PDZD8: variants seen among roughly 807,000 people sequenced by gnomAD.
The protein encoded by PDZD8 is PDZ domain containing 8.
PDZD8 carries 14 observed loss-of-function variants against 85.8 expected under a neutral mutation model. That is an observed-to-expected ratio of 0.16 (90% CI 0.11 to 0.26). The LOEUF is 0.26. Ranked by LOEUF, PDZD8 falls within the 10% of genes least tolerant of loss-of-function variation. The pLI, the probability that PDZD8 is intolerant of heterozygous loss-of-function variation, is 1.00. For synonymous variants in PDZD8, 592 were observed against 568.6 expected (o/e 1.04, Z -0.59); for missense variants, 1,197 against 1,424.3 (o/e 0.84, Z 2.57).
rs1660783206 is a variant in PDZD8, at chr10:117,281,549, C to G, written c.*1719G>C. The G allele has an allele frequency of 6.6e-6, 1 of 152,174 alleles. No homozygotes were observed. Among genetic ancestry groups the G allele is most frequent in the East Asian group, 1.9e-4 (1 of 5,198 alleles). 9.4% of individuals were successfully genotyped at this position (152,174 alleles called of 1,614,324 possible). On this transcript the variant is annotated 3_prime_UTR_variant, in exon 5 of 5. Coordinates refer to ENST00000334464, the MANE Select transcript of PDZD8 (RefSeq NM_173791.5). ...TAAAGTGGAATAACTTTTCTCCCCTCAAAAATGTCTTTCTTACTCATATAA... is the reference window on the plus strand; with the variant it reads ...TAAAGTGGAATAACTTTTCTCCCCTGAAAAATGTCTTTCTTACTCATATAA...
At chr10:117,325,310 G>A (rs1335618112) in intron 2 of PDZD8, among the ~76,000 whole-genome samples, 1 of 151,834 alleles carries the variant, frequency 6.6e-6, no homozygotes, top group Non-Finnish European at 1.5e-5. Flanking sequence ...ACGTTTAATG[G>A]TGAGCCCTGG....
intron 2 of PDZD8, among the ~76,000 whole-genome samples, chr10:117,340,172 A>G (rs1217129557): frequency 2.6e-5 from 4 of 152,216 alleles, no homozygotes; most frequent in Admixed American, 2.0e-4. Flanking sequence ...ACAGTGGTTC[A>G]AAGTCTAGTT....
At chr10:117,294,655 G>GTTC (rs1245948215) in intron 3 of PDZD8, among the ~76,000 whole-genome samples, 1 of 152,140 alleles carries the variant, frequency 6.6e-6, no homozygotes, top group African/African-American at 2.4e-5. Context: ...TACAAACACA[G>GTTC]TGGAATACTA....
intron 1 of PDZD8, among the ~76,000 whole-genome samples, chr10:117,369,506 A>C (rs990741627): frequency 6.6e-6 from 1 of 152,102 alleles, no homozygotes; most frequent in Non-Finnish European, 1.5e-5. Flanking sequence ...GTCCCTTCAA[A>C]AATGTAATTA....
At position 117,284,550 on chromosome 10, in the gene PDZD8, C is replaced by A; in HGVS notation, c.2183G>T (p.Cys728Phe). ...AAGTTTTAAACTAACATGCCCCAAA[C>A]AGATGAGACCTCCCAACTTGAAAGG... ...RDPFKLGGLI[C>F]LGHVSLKLED... The change falls in exon 5 of 5, where the codon TGT (cysteine) becomes TTT (phenylalanine). Residue 728 changes from cysteine to phenylalanine, a missense_variant. Cys to Phe is a radical substitution (Grantham distance 205). Coordinates refer to ENST00000334464, the MANE Select transcript of PDZD8 (RefSeq NM_173791.5). The A allele has an allele frequency of 6.2e-7, 1 of 1,614,188 alleles. No homozygotes were observed.
intron 4 of PDZD8, among the ~76,000 whole-genome samples, chr10:117,289,329 G>A (rs1844718056): frequency 6.6e-6 from 1 of 152,212 alleles, no homozygotes; most frequent in African/African-American, 2.4e-5. Flanking sequence ...ATGTAACCAA[G>A]GACAACTGCA....
At chr10:117,334,568 A>G (rs1456328646) in intron 2 of PDZD8, among the ~76,000 whole-genome samples, 1 of 152,140 alleles carries the variant, frequency 6.6e-6, no homozygotes, top group Non-Finnish European at 1.5e-5. Flanking sequence ...TAGCAGATCA[A>G]GGCTTCAATG....
chr10:117,323,969 C>T (rs975886286), intron 2 of PDZD8, among the ~76,000 whole-genome samples: 1 of 151,876 alleles, frequency 6.6e-6, no homozygotes, highest in African/African-American at 2.4e-5. Flanking sequence ...AGCTCTCGCC[C>T]GTAATCCCAG....
chr10:117,277,850 A>G lies in PDZD8; in HGVS notation c.*5418T>C, dbSNP rs1443007903. On this transcript the variant is annotated 3_prime_UTR_variant, in exon 5 of 5. Coordinates refer to ENST00000334464, the MANE Select transcript of PDZD8 (RefSeq NM_173791.5). ...GTGTCAGTTATCTTTTGAATCCATA[A>G]ATCTTAGCTGGCATTAGTTTTCTAT... The G allele has an allele frequency of 6.6e-6, 1 of 152,232 alleles. No homozygotes were observed. The highest frequency in any genetic ancestry group is 1.5e-5 in the Non-Finnish European group (1 of 68,048). The allele number at this position is 152,232 out of a possible 1,614,324, so 9.4% of individuals were successfully genotyped here.
At chr10:117,347,943 G>T (rs1226556087) in intron 1 of PDZD8, among the ~76,000 whole-genome samples, 1 of 152,186 alleles carries the variant, frequency 6.6e-6, no homozygotes, top group Non-Finnish European at 1.5e-5. Flanking sequence ...AGGCCTGGGG[G>T]TAGGTAAGGG....
rs201808439 is a variant in PDZD8, at chr10:117,374,346, T to G, written c.872+10A>C. On this transcript the variant is annotated intron_variant, in intron 1 of 4. Coordinates refer to ENST00000334464, the MANE Select transcript of PDZD8 (RefSeq NM_173791.5). This position sits in a 1 kb window ranked among gnomAD's most constrained non-coding sequence, Gnocchi z 7.8. The stretch of plus-strand genomic sequence containing the variant: ...CGGCAGCCAGGCCCCCTCCCCGACC[T>G]CCAGCTCACCTGATCTTGTAATTCG... The G allele has an allele frequency of 3.1e-6, 5 of 1,609,758 alleles. No individual in the cohort carries two copies. The highest frequency in any genetic ancestry group is 2.7e-5 in the African/African-American group (2 of 74,946).
At chr10:117,305,508 A>ACG (rs1843926342) in intron 3 of PDZD8, among the ~76,000 whole-genome samples, 1 of 125,290 alleles carries the variant, frequency 8.0e-6, no homozygotes, top group African/African-American at 2.7e-5. Flanking sequence ...ACACACACAC[A>ACG]CACACACATA....
chr10:117,284,925 G>A lies in PDZD8; in HGVS notation c.1808C>T (p.Ser603Phe). 1 of 1,614,180 alleles carries A rather than the reference G, an allele frequency of 6.2e-7. No homozygotes were observed. The highest frequency in any genetic ancestry group is 8.5e-7 in the Non-Finnish European group (1 of 1,180,028). ...TTCTGCCTGATTTGGAGCATCGGCG[G>A]AAGGCAAAGGAACTTTCGCTTGTGG... ...PRPQAKVPLP[S>F]ADAPNQAEPD... Residue 603 changes from serine to phenylalanine, a missense_variant, in exon 5 of 5, where the codon TCC becomes TTC. This residue lies in a region of PDZD8 where 263 missense variants were observed against 261.9 expected (regional missense o/e 1.00). Coordinates refer to ENST00000334464, the MANE Select transcript of PDZD8 (RefSeq NM_173791.5).
In PDZD8 at chr10:117,367,789, C is replaced by G. The variant is rs145965704; in HGVS notation, c.872+6567G>C. Among the ~76,000 whole-genome samples, 193 of 151,896 alleles carry G rather than the reference C, an allele frequency of 1.3e-3. 4 individuals carry two copies. The East Asian group carries it at 0.026, about 20-fold the overall frequency. ...TCTCTACTAAAAATAAAAAAATTAG[C>G]TGGGCATTGTGGCACACGCCTGTGG... On this transcript the variant is annotated intron_variant, in intron 1 of 4. Transcript: ENST00000334464.
Position 117,374,654 on chromosome 10 carries a change from A to C in PDZD8, c.574T>G (p.Phe192Val), listed in dbSNP as rs759934122. Residue 192 changes from phenylalanine to valine, a missense_variant, in exon 1 of 5, where the codon TTC becomes GTC. Phe to Val is a conservative substitution (Grantham distance 50, BLOSUM62 -1). Around this residue, in one of 4 missense-constraint regions of PDZD8, gnomAD observed 344 missense variants for 453.6 expected, o/e 0.76. Transcript: ENST00000334464. This position sits in a 1 kb window ranked among gnomAD's most constrained non-coding sequence, Gnocchi z 7.8. ...LPAACPEELA[F>V]EAEVEYNGGF... ...CCGTTGTACTCCACCTCCGCCTCGAAGGCCAGCTCCTCGGGGCAGGCGGCG... is the reference window on the plus strand; with the variant it reads ...CCGTTGTACTCCACCTCCGCCTCGACGGCCAGCTCCTCGGGGCAGGCGGCG... The C allele has an allele frequency of 6.3e-7, 1 of 1,586,074 alleles. No individual in the cohort carries two copies. Among genetic ancestry groups the C allele is most frequent in the Non-Finnish European group, 8.6e-7 (1 of 1,165,920 alleles).
intron 3 of PDZD8, among the ~76,000 whole-genome samples, chr10:117,307,161 A>G (rs960093632): frequency 6.6e-6 from 1 of 152,116 alleles, no homozygotes; most frequent in African/African-American, 2.4e-5. Flanking sequence ...GTATGTTTAT[A>G]AAGTTTTTTC....
chr10:117,333,124 A>AAAC (rs1373673590), intron 2 of PDZD8, among the ~76,000 whole-genome samples: 4 of 145,994 alleles, frequency 2.7e-5, no homozygotes, highest in Non-Finnish European at 4.5e-5. Context: ...TCTCAAAAAA[A>AAAC]AAAAAAAAAA....
chr10:117,318,971 T>A lies in PDZD8; in HGVS notation c.999A>T (p.Leu333Phe). The A allele has an allele frequency of 6.3e-7, 1 of 1,591,570 alleles. No individual in the cohort carries two copies. The highest frequency in any genetic ancestry group is 8.6e-7 in the Non-Finnish European group (1 of 1,160,416). The change falls in exon 3 of 5, where the codon TTA (leucine) becomes TTT (phenylalanine). Residue 333 changes from leucine (L) to phenylalanine (F), a missense_variant. This residue lies in a region of PDZD8 where 344 missense variants were observed against 453.6 expected (regional missense o/e 0.76). Transcript: ENST00000334464. ...CTCTGTCATAGGATCCAAAAATGAG[T>A]AACCTGCAGAATAAAACAAAACAAG... ...LKVTLLECSR[L>F]LIFGSYDREA... is the part of the protein sequence containing the mutation.
intron 1 of PDZD8, among the ~76,000 whole-genome samples, chr10:117,348,953 A>G (rs1844753907): frequency 6.6e-6 from 1 of 152,194 alleles, no homozygotes; most frequent in South Asian, 2.1e-4. Flanking sequence ...ATACATTACT[A>G]TATTTGATCC....
Sources: gnomAD v4.1 joint callset for allele counts (sites outside exome capture counted in the v4.1 genomes callset) on GRCh38, gnomAD v4.1.1 for gene constraint, gnomAD v4.1.1 regional missense constraint, Gnocchi (gnomAD v3.1) non-coding constraint, MANE v1.5 for transcripts, NCBI Gene and HGNC (gene_info 2026-07-23, HGNC 2026-07-21) for gene names.